The following C4orf50 variants were observed in gnomAD, a reference collection of about 807,000 sequenced individuals.
The protein encoded by C4orf50 is uncharacterized protein C4orf50.
A neutral mutation model predicts 77.2 loss-of-function variants in C4orf50; 80 were observed. That is an observed-to-expected ratio of 1.04 (90% CI 0.87 to 1.25). The LOEUF is 1.25. Among genes scored for constraint, C4orf50 ranks in the 50% most tolerant of loss-of-function variants. C4orf50 has a pLI of 0.00. For missense variants in C4orf50, 1,257 were observed against 1,152.9 expected, an observed-to-expected ratio of 1.09 and a Z score of -1.31; for synonymous variants, 532 against 465.3, an observed-to-expected ratio of 1.14 and a Z score of -1.84.
Position 5,988,298 on chromosome 4 carries a change from G to A in C4orf50, c.3699+49C>T, listed in dbSNP as rs200564685. On this transcript the variant is annotated intron_variant, in intron 28 of 33. Coordinates refer to ENST00000531445, the Ensembl canonical transcript of C4orf50. Reference sequence around the variant, plus strand: ...TGCATAAGTGAATGGGGTGGCCCCCGGAACAGAGTCATGCGTGATGAGTAA... The same window carrying A: ...TGCATAAGTGAATGGGGTGGCCCCCAGAACAGAGTCATGCGTGATGAGTAA... The A allele has an allele frequency of 7.5e-5, 119 of 1,581,936 alleles. 1 individual carries two copies. The East Asian group carries it at 2.2e-3, about 29-fold the overall frequency.
At chr4:5,975,945 A>C (rs1720255458) in exon 30 of C4orf50, 2 of 1,613,700 alleles carry the variant, frequency 1.2e-6, no homozygotes. Context: ...CTTTTTCTGA[A>C]GTTCTTCAAG....
chr4:5,936,562 CAAAAAAAAAAAAA>C (rs374200584), intron 7 of C4orf50, among the ~76,000 whole-genome samples: 1 of 75,428 alleles, frequency 1.3e-5, no homozygotes, highest in Non-Finnish European at 2.3e-5. Flanking sequence ...GACGCCATCT[CAAAAAAAAAAAAA>C]AAAAAAAAGA....
intron 7 of C4orf50, among the ~76,000 whole-genome samples, chr4:5,950,554 GC>G (rs1224471202): frequency 6.6e-6 from 1 of 152,042 alleles, no homozygotes; most frequent in Non-Finnish European, 1.5e-5. Flanking sequence ...TCTTTTACTC[GC>G]TGAGTTCTCC....
At chr4:5,948,777 AGT>A in intron 7 of C4orf50, among the ~76,000 whole-genome samples, 1 of 149,706 alleles carries the variant, frequency 6.7e-6, no homozygotes, top group Non-Finnish European at 1.5e-5. Context: ...CTGGTGACAA[AGT>A]GAGACACCAT....
At chr4:5,989,846 G>A (rs1414662638) in exon 28 of C4orf50, 12 of 1,464,798 alleles carry the variant, frequency 8.2e-6, no homozygotes, top group Non-Finnish European at 1.1e-5. Context: ...GCTTCTTGAT[G>A]CGGCATCTCA....
exon 28 of C4orf50, chr4:5,990,445 T>C: frequency 2.5e-6 from 1 of 402,024 alleles, no homozygotes; most frequent in Admixed American, 4.4e-5. Flanking sequence ...CAGAAATGGG[T>C]GATTTGAAAT....
intron 7 of C4orf50, among the ~76,000 whole-genome samples, chr4:5,931,072 G>C (rs192313568): frequency 4.6e-4 from 70 of 152,306 alleles, no homozygotes; most frequent in Non-Finnish European, 7.8e-4. Flanking sequence ...AGACTAGGAT[G>C]AAAGAGCCAT....
At position 5,905,835 on chromosome 4, in the gene C4orf50, CT is replaced by C. The variant is rs1235122701; in HGVS notation, c.*2475-7648del. Among the ~76,000 whole-genome samples the C allele has an allele frequency of 6.7e-6, 1 of 148,738 alleles. No individual in the cohort carries two copies. Among genetic ancestry groups the C allele is most frequent in the African/African-American group, 2.5e-5 (1 of 39,606 alleles). ...AAGAAGAAAGACAAACTGGGGTGCT[CT>C]GGGATGTCGTCATTTGTTCGTCCAA... On this transcript the variant is annotated intron_variant, in intron 7 of 7. Coordinates refer to the C4orf50 transcript ENST00000324058. This position sits in a 1 kb window ranked among gnomAD's most constrained non-coding sequence, Gnocchi z 5.4.
chr4:5,976,714 G>C (rs191116044), intron 29 of C4orf50, among the ~76,000 whole-genome samples: 3 of 152,348 alleles, frequency 2.0e-5, no homozygotes, highest in Admixed American at 2.0e-4. Flanking sequence ...CCACCCACTG[G>C]TGAGAACTGT....
intron 7 of C4orf50, among the ~76,000 whole-genome samples, chr4:5,910,476 A>G (rs1433863065): frequency 6.6e-6 from 1 of 152,248 alleles, no homozygotes; most frequent in Non-Finnish European, 1.5e-5. Context: ...ACATTATGCT[A>G]TAAACAGAAT....
chr4:5,913,406 G>A (rs572319108), intron 7 of C4orf50, among the ~76,000 whole-genome samples: 2 of 149,684 alleles, frequency 1.3e-5, no homozygotes, highest in South Asian at 4.3e-4. Flanking sequence ...TTGAGTGAGG[G>A]TAGTGAGGGT....
intron 28 of C4orf50, 70 bp from the exon 7 acceptor site, chr4:5,980,408 G>A (rs6838551): frequency 1.3e-5 from 18 of 1,422,980 alleles, no homozygotes; most frequent in Non-Finnish European, 1.5e-5. Flanking sequence ...GCCAACAAAC[G>A]GTACCCGTTT....
At chr4:5,944,606 G>A (rs1257160475) in intron 7 of C4orf50, among the ~76,000 whole-genome samples, 1 of 152,156 alleles carries the variant, frequency 6.6e-6, no homozygotes, top group Non-Finnish European at 1.5e-5. Flanking sequence ...AAGCTCCAGT[G>A]GAGGAAGCAG....
intron 30 of C4orf50, among the ~76,000 whole-genome samples, chr4:5,974,500 A>G (rs1166907270): frequency 6.6e-6 from 1 of 152,128 alleles, no homozygotes; most frequent in Non-Finnish European, 1.5e-5. Context: ...AAATAACTTT[A>G]GGAACTGTCT....
intron 31 of C4orf50, among the ~76,000 whole-genome samples, chr4:5,973,181 G>A (rs766326412): frequency 6.6e-5 from 10 of 152,196 alleles, no homozygotes; most frequent in Non-Finnish European, 1.0e-4. Flanking sequence ...GTCACGCGGG[G>A]CCACGTGCAA....
chr4:5,947,779 C>T (rs536262574), intron 7 of C4orf50, among the ~76,000 whole-genome samples: 2 of 152,154 alleles, frequency 1.3e-5, no homozygotes, highest in African/African-American at 2.4e-5. Context: ...CCCAGGATAC[C>T]GGCTGGATCG....
chr4:5,989,581 G>A lies in C4orf50; in HGVS notation c.2465C>T (p.Pro822Leu), dbSNP rs756348353. The A allele has an allele frequency of 2.3e-5, 35 of 1,535,958 alleles. No individual in the cohort carries two copies. In the East Asian group the frequency reaches 3.2e-4, roughly 14 times the overall value. ...TGAGCACTGCCAGCCCCTGCTGCCC[G>A]GCTGCAGGGTGGACAGCTGCTGGAA... is the stretch of plus-strand genomic sequence containing the variant. Residue 822 changes from proline (P) to leucine (L), a missense_variant, in exon 28 of 34, where the codon CCG becomes CTG. By Grantham distance (98) the Pro-to-Leu change is moderately conservative. Transcript: ENST00000531445.
At chr4:5,962,274 C>T (rs1002904200) in intron 33 of C4orf50, among the ~76,000 whole-genome samples, 2 of 152,198 alleles carry the variant, frequency 1.3e-5, no homozygotes, top group African/African-American at 4.8e-5. Flanking sequence ...AAACTGAAGT[C>T]CCCTATGGAC....
chr4:6,003,676 GATAGTGATGATGGTGATGATA>G (rs1721955879), intron 25 of C4orf50, among the ~76,000 whole-genome samples: 1 of 139,080 alleles, frequency 7.2e-6, no homozygotes, highest in African/African-American at 2.7e-5. Flanking sequence ...TGATGGTGAT[GATAGTGATGATGGTGATGATA>G]GTGATGGTGA....
Sources: allele counts gnomAD v4.1 joint callset (sites outside exome capture counted in the v4.1 genomes callset), GRCh38; gene constraint gnomAD v4.1.1; non-coding constraint Gnocchi (gnomAD v3.1); transcripts MANE v1.5; gene names NCBI Gene and HGNC (gene_info 2026-07-23, HGNC 2026-07-21).